Variants in MRTFB observed in about 807,000 individuals in gnomAD.
MRTFB encodes the protein myocardin related transcription factor B.
A neutral mutation model predicts 104.2 loss-of-function variants in MRTFB; 29 were observed. That is an observed-to-expected ratio of 0.28 (90% CI 0.21 to 0.38). MRTFB has a LOEUF of 0.38. Ranked by LOEUF, MRTFB falls within the 10% of genes least tolerant of loss-of-function variation. MRTFB has a pLI of 1.00. For missense variants in MRTFB, 1,270 were observed against 1,341.6 expected (o/e 0.95, Z 0.83); for synonymous variants, 535 against 519.5 (o/e 1.03, Z -0.41).
intron 11 of MRTFB, 99 bp downstream of exon 11, chr16:14,245,759 C>A: frequency 1.6e-6 from 2 of 1,284,102 alleles, no homozygotes; most frequent in Non-Finnish European, 2.1e-6. Context: ...TTTCAGTAGA[C>A]ATTCAACTTT....
Position 14,263,579 on chromosome 16 carries a change from C to A in MRTFB, c.*2135C>A, listed in dbSNP as rs1323634622. On this transcript the variant is annotated 3_prime_UTR_variant, in exon 17 of 17. Transcript: ENST00000571589. ...CTCTCGTTGAATAACTTTATATTTC[C>A]ATAATCCTGAATTGTGTAGATAGTT... The A allele has an allele frequency of 6.6e-6, 1 of 152,172 alleles. No individual in the cohort carries two copies. The highest frequency in any genetic ancestry group is 1.5e-5 in the Non-Finnish European group (1 of 68,030). The allele number at this position is 152,172 out of a possible 1,614,324, so 9.4% of individuals were successfully genotyped here. A position where few individuals can be genotyped will look rare whatever the true frequency, so the allele number is the denominator to read the frequency against.
chr16:14,213,691 G>A, intron 6 of MRTFB, 71 bp downstream of exon 6: 1 of 1,156,242 alleles, frequency 8.6e-7, no homozygotes, highest in Non-Finnish European at 1.2e-6. Flanking sequence ...CACCATTTCT[G>A]TTTATTCCCA....
chr16:14,251,941 T>C lies in MRTFB; in HGVS notation c.2483T>C (p.Ile828Thr), dbSNP rs1010310054. Residue 828 changes from isoleucine to threonine, a missense_variant, in exon 14 of 17, where the codon ATC (isoleucine) becomes ACC (threonine). By Grantham distance (89) the Ile-to-Thr change is moderately conservative (BLOSUM62 -1). Transcript: ENST00000571589. The part of the protein sequence containing the change: ...HPAPAVQQPF[I>T]NKASNSVLQS... Reference sequence around the variant, plus strand: ...GCCCCAGCTGTCCAGCAGCCCTTTATCAATAAGGCCTCCAACAGTGTTCTT... The same window carrying C: ...GCCCCAGCTGTCCAGCAGCCCTTTACCAATAAGGCCTCCAACAGTGTTCTT... The C allele has an allele frequency of 3.7e-6, 6 of 1,614,212 alleles. No homozygotes were observed. The highest frequency in any genetic ancestry group is 5.1e-6 in the Non-Finnish European group (6 of 1,180,034).
At chr16:14,066,909 A>C (rs1325323009), upstream of MRTFB, among the ~76,000 whole-genome samples, 1 of 149,352 alleles carries the variant, frequency 6.7e-6, no homozygotes, top group Non-Finnish European at 1.5e-5. Context: ...GGCCTCATTC[A>C]ATCCTCTCTC....
At position 14,241,012 on chromosome 16, in the gene MRTFB, A is replaced by C. The variant is rs896434581; in HGVS notation, c.1079+528A>C. The C allele has an allele frequency of 5.8e-6, 3 of 514,660 alleles. No individual in the cohort carries two copies. The African/African-American group carries it at 5.9e-5, about 10-fold the overall frequency. The allele number at this position is 514,660 out of a possible 1,614,324, so 31.9% of individuals were successfully genotyped here. On this transcript the variant is annotated intron_variant, in intron 10 of 16. Coordinates refer to ENST00000571589, the MANE Select transcript of MRTFB (RefSeq NM_001308142.2). ...CATTGGAAGGTGAGAAAAATTGCCT[A>C]AACAAAGAATCTGATTAATTTTTAA...
At chr16:14,125,757 T>G (rs1240131709) in intron 2 of MRTFB, among the ~76,000 whole-genome samples, 2 of 152,226 alleles carry the variant, frequency 1.3e-5, no homozygotes, top group South Asian at 2.1e-4. Context: ...TATGCTGAGG[T>G]CATTTCCAAG....
intron 8 of MRTFB, among the ~76,000 whole-genome samples, chr16:14,222,916 A>G (rs765556907): frequency 8.0e-5 from 12 of 150,686 alleles, no homozygotes; most frequent in Non-Finnish European, 1.5e-4. Context: ...ATGATAGCAC[A>G]CACCTATAAT....
At chr16:14,054,929 G>T in the MRTFB span, among the ~76,000 whole-genome samples, 28 of 152,188 alleles carry the variant, frequency 1.8e-4, no homozygotes, top group African/African-American at 6.8e-4. Flanking sequence ...AAAACCTTTT[G>T]ATCTCAAAAT....
intron 4 of MRTFB, 99 bp from the exon 5 acceptor site, chr16:14,212,255 G>A (rs929681333): frequency 1.5e-5 from 17 of 1,125,208 alleles, no homozygotes; most frequent in Non-Finnish European, 1.3e-6. Context: ...AACTGTAGTT[G>A]TGATCTGTTA....
At chr16:14,248,216 C>A (rs1322775392) in intron 12 of MRTFB, 1 of 152,298 alleles carries the variant, frequency 6.6e-6, no homozygotes, top group Non-Finnish European at 1.5e-5. Context: ...GGTAAGTTTT[C>A]ACCAAACATG....
chr16:14,017,886 T>A, the MRTFB span, among the ~76,000 whole-genome samples: 1 of 150,258 alleles, frequency 6.7e-6, no homozygotes, highest in Non-Finnish European at 1.5e-5. Context: ...TCTGGCTAAT[T>A]TTTTAAAAAC....
In MRTFB at chr16:14,234,430, G is replaced by A. The variant is rs1194339714; in HGVS notation, c.831+147G>A. 22 of 942,920 alleles carry A rather than the reference G, an allele frequency of 2.3e-5. No individual in the cohort carries two copies. The East Asian group carries it at 4.8e-4, about 21-fold the overall frequency. The allele number at this position is 942,920 out of a possible 1,614,324, so 58.4% of individuals were successfully genotyped here. ...TAAAAACTAAGCCATGCAAAGACTT[G>A]CTAGACTGGGGTCTTCATGTTTGAA... On this transcript the variant is annotated intron_variant, in intron 9 of 16. Transcript: ENST00000571589.
rs150455925 is a variant in MRTFB, at chr16:14,145,551, G to A, written c.154+4791G>A. On this transcript the variant is annotated intron_variant, in intron 3 of 16. Transcript: ENST00000571589. ...TTGGAGCACATAGGAGAGATACTTA[G>A]TAAAGAGAAGCTGGGATTTTCCTTT... 5.6e-3 allele frequency among the ~76,000 whole-genome samples: 853 copies of A among 152,260 alleles called. 9 individuals carry two copies. Among genetic ancestry groups the A allele is most frequent in the African/African-American group, 0.019 (796 of 41,550 alleles).
chr16:14,257,471 G>A (rs2043547017), intron 15 of MRTFB, among the ~76,000 whole-genome samples: 1 of 151,932 alleles, frequency 6.6e-6, no homozygotes, highest in South Asian at 2.1e-4. Flanking sequence ...TAATTATGCT[G>A]GGTGAAAGAA....
chr16:14,131,984 T>C (rs2037464062), intron 2 of MRTFB, among the ~76,000 whole-genome samples: 1 of 152,142 alleles, frequency 6.6e-6, no homozygotes, highest in South Asian at 2.1e-4. Flanking sequence ...GTGAACTCAT[T>C]CCATAGCAAC....
intron 3 of MRTFB, among the ~76,000 whole-genome samples, chr16:14,179,311 A>G (rs987761063): frequency 6.6e-6 from 1 of 152,166 alleles, no homozygotes; most frequent in Non-Finnish European, 1.5e-5. Context: ...CATAGATCCC[A>G]TTCCTTTTCT....
At chr16:14,220,639 T>G (rs995661296) in intron 8 of MRTFB, among the ~76,000 whole-genome samples, 38 of 151,886 alleles carry the variant, frequency 2.5e-4, no homozygotes, top group African/African-American at 9.2e-4. Context: ...AGAATAAATA[T>G]GGTCTGTTTA....
chr16:14,172,800 A>G lies in MRTFB; in HGVS notation c.154+32040A>G, dbSNP rs117895290. ...CAATATGTTTAAGGACCATTTCAGA[A>G]TCTTTTGGAGGAGGGAAAGAATGAA... On this transcript the variant is annotated intron_variant, in intron 3 of 16. Coordinates refer to ENST00000571589, the MANE Select transcript of MRTFB (RefSeq NM_001308142.2). 9.5e-4 allele frequency among the ~76,000 whole-genome samples: 145 copies of G among 152,316 alleles called. 3 individuals are homozygous for G. In the East Asian group the frequency reaches 0.025, roughly 26 times the overall value.
chr16:14,062,908 T>C, the MRTFB span, among the ~76,000 whole-genome samples: 1 of 152,116 alleles, frequency 6.6e-6, no homozygotes, highest in Admixed American at 6.5e-5. Context: ...CTGCAACCAC[T>C]ACCCCCAAAG....
Sources: allele counts gnomAD v4.1 joint callset (sites outside exome capture counted in the v4.1 genomes callset), GRCh38; gene constraint gnomAD v4.1.1; transcripts MANE v1.5; gene names NCBI Gene and HGNC (gene_info 2026-07-23, HGNC 2026-07-21).